Variants in RNF216 observed in about 807,000 individuals in gnomAD.
RNF216 encodes E3 ubiquitin-protein ligase RNF216.
RNF216 carries 72 observed loss-of-function variants against 110.8 expected under a neutral mutation model. The ratio of observed to expected loss-of-function variants is 0.65; its 90% CI spans 0.54 to 0.79. The LOEUF (loss-of-function observed/expected upper bound fraction) is 0.79, where lower values mean the gene tolerates loss of function less well. RNF216 is among the 30% of genes least tolerant of loss of function. RNF216 has a pLI of 0.00. For synonymous variants in RNF216, 495 were observed against 407.5 expected (o/e 1.21, Z -2.59); for missense variants, 1,342 against 1,141.2 (o/e 1.18, Z -2.54).
At chr7:5,674,186 C>A (rs535388046) in intron 13 of RNF216, among the ~76,000 whole-genome samples, 6 of 152,046 alleles carry the variant, frequency 3.9e-5, no homozygotes, top group Non-Finnish European at 8.8e-5. Flanking sequence ...CCCACCACCA[C>A]GCCCAGCTAA....
In RNF216 at chr7:5,725,885, G is replaced by C. The variant is rs1442349229; in HGVS notation, c.1390-447C>G. Among the ~76,000 whole-genome samples, 8 of 150,122 alleles carry C rather than the reference G, an allele frequency of 5.3e-5. No individual in the cohort carries two copies. The South Asian group carries it at 1.7e-3, about 32-fold the overall frequency. ...GGAATAGGCAGTGGTAAAATAAATA[G>C]GCAGCATTTCTTTATTTTCATTTTC... On this transcript the variant is annotated intron_variant, in intron 7 of 16. Transcript: ENST00000389902.
At chr7:5,751,605 G>A (rs1795331113) in intron 3 of RNF216, among the ~76,000 whole-genome samples, 1 of 152,100 alleles carries the variant, frequency 6.6e-6, no homozygotes, top group East Asian at 1.9e-4. Flanking sequence ...GCCTGAAGCA[G>A]CCTGATGTTA....
rs191338313 is a variant in RNF216, at chr7:5,728,206, G to T, written c.1389+1226C>A. ...CTGTGATTAAATGTCCCTTCCTCAG[G>T]GTGGCCCTTCTGGAGACCCTTGGTC... On this transcript the variant is annotated intron_variant, in intron 7 of 16. Coordinates refer to ENST00000389902, the MANE Select transcript of RNF216 (RefSeq NM_207111.4). 4.6e-3 allele frequency among the ~76,000 whole-genome samples: 701 copies of T among 152,186 alleles called. 3 individuals carry two copies. The highest frequency in any genetic ancestry group is 0.016 in the African/African-American group (668 of 41,502).
chr7:5,700,249 C>T (rs1358384381), intron 13 of RNF216, among the ~76,000 whole-genome samples: 1 of 152,180 alleles, frequency 6.6e-6, no homozygotes, highest in East Asian at 1.9e-4. Context: ...ACACCACAAG[C>T]CGCACACGTG....
intron 13 of RNF216, among the ~76,000 whole-genome samples, chr7:5,699,752 G>A (rs1055304119): frequency 1.3e-5 from 2 of 152,228 alleles, no homozygotes; most frequent in African/African-American, 4.8e-5. Flanking sequence ...GGGGCTGGGT[G>A]GTTGATTCCA....
chr7:5,738,689 C>G (rs1011254581), intron 5 of RNF216, among the ~76,000 whole-genome samples: 4 of 108,808 alleles, frequency 3.7e-5, no homozygotes, highest in Admixed American at 1.5e-4. Context: ...GTCTGGGAGA[C>G]AGAGTGAGAC....
chr7:5,748,727 A>C (rs530299770), intron 3 of RNF216, among the ~76,000 whole-genome samples: 1 of 152,168 alleles, frequency 6.6e-6, no homozygotes, highest in African/African-American at 2.4e-5. Flanking sequence ...TTAAGTAGTT[A>C]TTAAGTAGTA....
At chr7:5,702,793 AAATCCTG>A (rs1792051465) in intron 13 of RNF216, among the ~76,000 whole-genome samples, 1 of 152,218 alleles carries the variant, frequency 6.6e-6, no homozygotes, top group South Asian at 2.1e-4. Flanking sequence ...GTAGAGTTAA[AAATCCTG>A]AAGCCTCCTT....
At chr7:5,629,920 G>C (rs759855634) in intron 15 of RNF216, among the ~76,000 whole-genome samples, 1 of 151,964 alleles carries the variant, frequency 6.6e-6, no homozygotes, top group African/African-American at 2.4e-5. Context: ...ATACTTCTTG[G>C]ACTTGGGATA....
intron 8 of RNF216, 52 bp downstream of exon 8, chr7:5,725,272 G>T: frequency 9.2e-7 from 1 of 1,086,732 alleles, no homozygotes; most frequent in Non-Finnish European, 1.4e-6. Context: ...CTGTGAAGAA[G>T]AAAAGGTACA....
intron 13 of RNF216, among the ~76,000 whole-genome samples, chr7:5,665,425 T>C (rs1789444465): frequency 6.6e-6 from 1 of 152,208 alleles, no homozygotes; most frequent in African/African-American, 2.4e-5. Flanking sequence ...CATTTCTATG[T>C]ACAGAACCAG....
At position 5,624,250 on chromosome 7, in the gene RNF216, G is replaced by T; in HGVS notation, c.2383-125C>A. The T allele has an allele frequency of 4.1e-6, 3 of 736,590 alleles. No individual in the cohort carries two copies. The highest frequency in any genetic ancestry group is 5.3e-5 in the East Asian group (2 of 37,774). The allele number at this position is 736,590 out of a possible 1,614,324, so 45.6% of individuals were successfully genotyped here. The stretch of plus-strand genomic sequence containing the variant: ...CAAGCCCGAAGCCTGCTGCTGGCCA[G>T]TGGGGCCTGGGCTGCACACCGTTCC... On this transcript the variant is annotated intron_variant, in intron 15 of 16. Transcript: ENST00000389902. The surrounding 1 kb of genome is among the most constrained non-coding windows in gnomAD (Gnocchi z 4.4).
intron 2 of RNF216, chr7:5,760,493 G>A (rs747670544): frequency 5.7e-6 from 2 of 349,030 alleles, no homozygotes; most frequent in Non-Finnish European, 1.2e-5. Flanking sequence ...TCTGGCCTGG[G>A]CAATGAGTAA....
chr7:5,742,819 C>T (rs141497510), intron 3 of RNF216, among the ~76,000 whole-genome samples: 2,882 of 152,056 alleles, frequency 0.019, 90 homozygotes, highest in African/African-American at 0.064. Context: ...TGGTCTTGAA[C>T]TCCTGACCTC....
intron 1 of RNF216, among the ~76,000 whole-genome samples, chr7:5,764,154 T>C (rs1259117276): frequency 2.0e-5 from 3 of 150,606 alleles, no homozygotes; most frequent in East Asian, 3.9e-4. Context: ...GATCACGCCA[T>C]TGCACTCCAG....
intron 13 of RNF216, among the ~76,000 whole-genome samples, chr7:5,653,349 G>C (rs965688037): frequency 7.9e-5 from 12 of 152,036 alleles, no homozygotes; most frequent in African/African-American, 2.9e-4. Flanking sequence ...CCAGGAATTT[G>C]GGAGGCCGAG....
chr7:5,707,718 G>GT (rs35372254), intron 13 of RNF216, among the ~76,000 whole-genome samples: 2,450 of 92,914 alleles, frequency 0.026, 24 homozygotes, highest in Non-Finnish European at 0.031. Flanking sequence ...TGTGTGTGTG[G>GT]TTTTTTTTTT....
At position 5,624,140 on chromosome 7, in the gene RNF216, A is replaced by G. The variant is rs756345098; in HGVS notation, c.2383-15T>C. The G allele has an allele frequency of 1.2e-6, 2 of 1,609,530 alleles. No individual in the cohort carries two copies. Among genetic ancestry groups the G allele is most frequent in the South Asian group, 1.1e-5 (1 of 90,752 alleles). On this transcript the variant is annotated splice_polypyrimidine_tract_variant and intron_variant, in intron 15 of 16. Coordinates refer to ENST00000389902, the MANE Select transcript of RNF216 (RefSeq NM_207111.4). The surrounding 1 kb of genome is among the most constrained non-coding windows in gnomAD (Gnocchi z 4.4). ...TCATCATCTTCCTAAAACGCAAGCA[A>G]TGAGAAGGATGAACCTGTAGCTTCA...
chr7:5,730,019 A>C (rs1283508556), intron 6 of RNF216, among the ~76,000 whole-genome samples: 2 of 152,224 alleles, frequency 1.3e-5, no homozygotes, highest in African/African-American at 4.8e-5. Flanking sequence ...TTAGATCACA[A>C]ATAATGACAA....
Sources: gnomAD v4.1 joint callset for allele counts (sites outside exome capture counted in the v4.1 genomes callset) on GRCh38, gnomAD v4.1.1 for gene constraint, Gnocchi (gnomAD v3.1) non-coding constraint, MANE v1.5 for transcripts, NCBI Gene and HGNC (gene_info 2026-07-23, HGNC 2026-07-21) for gene names.